Variants in CHEK1 observed in about 807,000 individuals in gnomAD.
CHEK1 encodes checkpoint kinase 1, also known as serine/threonine-protein kinase Chk1.
Under a neutral mutation model 60.2 loss-of-function variants are expected in CHEK1, and 32 were observed. The observed-to-expected ratio is 0.53, with a 90% CI of 0.40 to 0.71. CHEK1 has a LOEUF of 0.71. Among genes scored for constraint, CHEK1 ranks in the 30% least tolerant of loss-of-function variants. The pLI, the probability that CHEK1 is intolerant of heterozygous loss-of-function variation, is 0.00. For missense variants in CHEK1, 399 were observed against 564.6 expected (o/e 0.71, Z 2.97); for synonymous variants, 179 against 187.2 (o/e 0.96, Z 0.36).
intron 1 of CHEK1, chr11:125,626,515 G>C: frequency 1.8e-6 from 1 of 554,436 alleles, no homozygotes; most frequent in Non-Finnish European, 3.2e-6. Context: ...GGCCTGAGGA[G>C]GGCAGAATTT....
chr11:125,650,933 G>A (rs902347240), intron 11 of CHEK1, among the ~76,000 whole-genome samples: 14 of 152,188 alleles, frequency 9.2e-5, no homozygotes, highest in Admixed American at 7.2e-4. Context: ...AGTTTACAAC[G>A]TTGCTTCAGC....
At chr11:125,661,405 G>A (rs1320283024), downstream of CHEK1, among the ~76,000 whole-genome samples, 1 of 152,058 alleles carries the variant, frequency 6.6e-6, no homozygotes, top group Non-Finnish European at 1.5e-5. Flanking sequence ...TCTGCCTCCT[G>A]GGTGCAAGTG....
downstream of CHEK1, among the ~76,000 whole-genome samples, chr11:125,657,769 T>C (rs1941946562): frequency 6.6e-6 from 1 of 152,228 alleles, no homozygotes; most frequent in South Asian, 2.1e-4. Flanking sequence ...TCGATGCTAT[T>C]ATAAAATTCT....
At chr11:125,646,454 T>C (rs1019746740) in intron 11 of CHEK1, among the ~76,000 whole-genome samples, 1 of 152,196 alleles carries the variant, frequency 6.6e-6, no homozygotes, top group Non-Finnish European at 1.5e-5. Context: ...AGTTTTTGTG[T>C]GACCATATGT....
intron 13 of CHEK1, among the ~76,000 whole-genome samples, chr11:125,669,346 TCTC>T (rs1290546084): frequency 6.6e-6 from 1 of 152,136 alleles, no homozygotes; most frequent in Non-Finnish European, 1.5e-5. Flanking sequence ...CTTCGAAGTA[TCTC>T]CTCTTGTTTT....
intron 8 of CHEK1, among the ~76,000 whole-genome samples, chr11:125,641,756 C>T (rs1391866014): frequency 6.6e-6 from 1 of 151,810 alleles, no homozygotes; most frequent in African/African-American, 2.4e-5. Context: ...TTCTGTTAAC[C>T]TCTATCTTTA....
chr11:125,678,086 A>G (rs1467239665), downstream of CHEK1: 1 of 1,614,176 alleles, frequency 6.2e-7, no homozygotes, highest in Non-Finnish European at 8.5e-7. Context: ...CACTCTCAGC[A>G]TGTTCTCCAG....
downstream of CHEK1, among the ~76,000 whole-genome samples, chr11:125,660,056 G>A (rs565705624): frequency 2.0e-5 from 3 of 151,946 alleles, no homozygotes; most frequent in South Asian, 2.1e-4. Context: ...TTTCGTGTGC[G>A]TGTGTGTGTG....
At chr11:125,676,294 GC>G, downstream of CHEK1, 1 of 1,581,068 alleles carries the variant, frequency 6.3e-7, no homozygotes. Flanking sequence ...CATTCCAACT[GC>G]CCCCTACCAG....
rs955419168 is a variant in CHEK1 at position 125,644,720 on chromosome 11, A to AT, written c.1233+83dup. On this transcript the variant is annotated intron_variant, in intron 11 of 12. Coordinates refer to ENST00000438015, the MANE Select transcript of CHEK1 (RefSeq NM_001114122.3). ...TTTGAGTAAAAGCTATCATTAGTAT[A>AT]TTTTTTAAATATAGGCTGTGGCTCA... 6.7e-6 allele frequency: 10 copies of AT among 1,486,210 alleles called. No homozygotes were observed. In the African/African-American group the frequency reaches 1.3e-4, roughly 19 times the overall value. The allele number at this position is 1,486,210 out of a possible 1,614,324, so 92.1% of individuals were successfully genotyped here. A position where few individuals can be genotyped will look rare whatever the true frequency, so the allele number is the denominator to read the frequency against.
At chr11:125,628,628 GT>G (rs1940725472) in intron 3 of CHEK1, among the ~76,000 whole-genome samples, 1 of 152,122 alleles carries the variant, frequency 6.6e-6, no homozygotes, top group South Asian at 2.1e-4. Flanking sequence ...ACTATATGAA[GT>G]TTAAATCTGA....
At position 125,655,965 on chromosome 11, in the gene CHEK1, T is replaced by C. The variant is rs796283040; in HGVS notation, c.*645T>C. 88 of 208,888 alleles carry C rather than the reference T, an allele frequency of 4.2e-4. No individual in the cohort carries two copies. The highest frequency in any genetic ancestry group is 1.8e-3 in the African/African-American group (78 of 44,184). 12.9% of individuals were successfully genotyped at this position (208,888 alleles called of 1,614,324 possible). On this transcript the variant is annotated 3_prime_UTR_variant, in exon 13 of 13. Coordinates refer to ENST00000438015, the MANE Select transcript of CHEK1 (RefSeq NM_001114122.3). Reference sequence around the variant, plus strand: ...ATAAACTCTAGTGCTTAACTAACTTTACTCTAAAAATTACTGTTGAACATC... The same window carrying C: ...ATAAACTCTAGTGCTTAACTAACTTCACTCTAAAAATTACTGTTGAACATC...
intron 11 of CHEK1, among the ~76,000 whole-genome samples, chr11:125,647,006 A>G (rs563210085): frequency 1.9e-4 from 29 of 152,210 alleles, no homozygotes; most frequent in Middle Eastern, 3.4e-3. Flanking sequence ...TTTGTTGCCT[A>G]TGCTTTTAGT....
At chr11:125,651,557 G>A (rs1029686797) in intron 11 of CHEK1, among the ~76,000 whole-genome samples, 7 of 152,050 alleles carry the variant, frequency 4.6e-5, no homozygotes, top group African/African-American at 1.7e-4. Context: ...CCAAGTGTTG[G>A]GATTACAGGC....
rs1048003350 is a variant in CHEK1, at chr11:125,625,270, T to C, written c.-763T>C. ...AAGACCGGGCTGAAGTAAAGCATTGTTTTGGAGCTGGTTCACAGAAAAAAG... is the reference window on the plus strand; with the variant it reads ...AAGACCGGGCTGAAGTAAAGCATTGCTTTGGAGCTGGTTCACAGAAAAAAG... On this transcript the variant is annotated 5_prime_UTR_variant, in exon 1 of 13. Coordinates refer to ENST00000438015, the MANE Select transcript of CHEK1 (RefSeq NM_001114122.3). The C allele has an allele frequency of 2.1e-5, 5 of 232,822 alleles. No homozygotes were observed. The highest frequency in any genetic ancestry group is 1.1e-4 in the African/African-American group (5 of 45,200). 14.4% of individuals were successfully genotyped at this position (232,822 alleles called of 1,614,324 possible).
rs1208823082 is a variant in CHEK1, at chr11:125,625,914, G to T, written c.-119G>T. The T allele has an allele frequency of 1.4e-6, 1 of 702,638 alleles. No homozygotes were observed. Among genetic ancestry groups the T allele is most frequent in the South Asian group, 1.5e-5 (1 of 67,606 alleles). The allele number at this position is 702,638 out of a possible 1,614,324, so 43.5% of individuals were successfully genotyped here. A position where few individuals can be genotyped will look rare whatever the true frequency, so the allele number is the denominator to read the frequency against. ...GGGAACGCGCGCTGTCTTGCTTTAC[G>T]GCGCGGGTGCGCGAGTTTGCGGCAG... is the stretch of plus-strand genomic sequence containing the variant. On this transcript the variant is annotated 5_prime_UTR_variant, in exon 1 of 13. Coordinates refer to ENST00000438015, the MANE Select transcript of CHEK1 (RefSeq NM_001114122.3).
intron 11 of CHEK1, among the ~76,000 whole-genome samples, chr11:125,649,342 A>G (rs1157681268): frequency 6.6e-6 from 1 of 152,092 alleles, no homozygotes; most frequent in Non-Finnish European, 1.5e-5. Context: ...ATGTACCACC[A>G]TACCCAGCTA....
Position 125,655,986 on chromosome 11 carries a change from A to T in CHEK1, c.*666A>T. The T allele has an allele frequency of 4.8e-6, 1 of 208,818 alleles. No homozygotes were observed. Among genetic ancestry groups the T allele is most frequent in the Non-Finnish European group, 9.7e-6 (1 of 102,704 alleles). 12.9% of individuals were successfully genotyped at this position (208,818 alleles called of 1,614,324 possible). A position where few individuals can be genotyped will look rare whatever the true frequency, so the allele number is the denominator to read the frequency against. On this transcript the variant is annotated 3_prime_UTR_variant, in exon 13 of 13. Transcript: ENST00000438015. The stretch of plus-strand genomic sequence containing the variant: ...ACTTTACTCTAAAAATTACTGTTGA[A>T]CATCTTAAATATTTTTCTATATTTT...
At chr11:125,639,390 T>C (rs1444884828) in intron 8 of CHEK1, among the ~76,000 whole-genome samples, 1 of 145,934 alleles carries the variant, frequency 6.9e-6, no homozygotes, top group East Asian at 2.0e-4. Context: ...CTCTTTTTTT[T>C]TTTTTTTTTT....
Sources: gnomAD v4.1 joint callset for allele counts (sites outside exome capture counted in the v4.1 genomes callset) on GRCh38, gnomAD v4.1.1 for gene constraint, MANE v1.5 for transcripts, NCBI Gene and HGNC (gene_info 2026-07-23, HGNC 2026-07-21) for gene names.